The following GATA4 variants were observed in gnomAD, a reference collection of about 807,000 sequenced individuals.
GATA4 encodes GATA binding protein 4, also known as transcription factor GATA-4.
Under a neutral mutation model 37.9 loss-of-function variants are expected in GATA4, and 7 were observed. The ratio of observed to expected loss-of-function variants is 0.18; its 90% CI spans 0.11 to 0.35. GATA4 has a LOEUF of 0.35. Among genes scored for constraint, GATA4 ranks in the 10% least tolerant of loss-of-function variants. The pLI, the probability that GATA4 is intolerant of heterozygous loss-of-function variation, is 1.00. For missense variants in GATA4, 647 were observed against 653.0 expected, an observed-to-expected ratio of 0.99 and a Z score of 0.10; for synonymous variants, 372 against 292.6, an observed-to-expected ratio of 1.27 and a Z score of -2.77.
intron 2 of GATA4, among the ~76,000 whole-genome samples, chr8:11,724,798 T>C (rs985119984): frequency 6.6e-6 from 1 of 152,224 alleles, no homozygotes; most frequent in Non-Finnish European, 1.5e-5. Flanking sequence ...ATCAGAGGCC[T>C]AACCCAGCCT....
rs150976170 is a variant in GATA4, at chr8:11,746,419, G to C, written c.617-2497G>C. ...AACCAGAATGGGAGGGTTGCACTAGGTTTGGAATGGAAAGGTGATCTTACA... is the reference window on the plus strand; with the variant it reads ...AACCAGAATGGGAGGGTTGCACTAGCTTTGGAATGGAAAGGTGATCTTACA... On this transcript the variant is annotated intron_variant, in intron 2 of 6. Coordinates refer to ENST00000532059, the MANE Select transcript of GATA4 (RefSeq NM_001308093.3). Among the ~76,000 whole-genome samples, 199 of 152,248 alleles carry C rather than the reference G, an allele frequency of 1.3e-3. 1 individual carries two copies. The highest frequency in any genetic ancestry group is 4.5e-3 in the African/African-American group (187 of 41,548).
At chr8:11,700,205 G>A (rs549984091), upstream of GATA4, among the ~76,000 whole-genome samples, 19 of 152,244 alleles carry the variant, frequency 1.2e-4, no homozygotes, top group Admixed American at 2.6e-4. Context: ...GGGTGTGCCA[G>A]AAACTCTGGT....
chr8:11,702,621 T>A (rs534214755), upstream of GATA4, among the ~76,000 whole-genome samples: 1 of 149,648 alleles, frequency 6.7e-6, no homozygotes, highest in African/African-American at 2.5e-5. The surrounding 1 kb of genome is among the most constrained non-coding windows in gnomAD (Gnocchi z 4.4). Flanking sequence ...CCTTCAGCCT[T>A]AAGTTCCCAC....
upstream of GATA4, among the ~76,000 whole-genome samples, chr8:11,701,482 G>A (rs761812683): frequency 3.3e-5 from 5 of 152,248 alleles, no homozygotes; most frequent in Middle Eastern, 3.4e-3. Flanking sequence ...GAGAGGCGCC[G>A]ATAAACCTCC....
upstream of GATA4, among the ~76,000 whole-genome samples, chr8:11,687,720 T>G (rs937338022): frequency 1.3e-5 from 2 of 152,108 alleles, no homozygotes; most frequent in Non-Finnish European, 2.9e-5. Context: ...TCCCTCACCC[T>G]CCAGAGAAAA....
intron 2 of GATA4, among the ~76,000 whole-genome samples, chr8:11,736,167 AG>A (rs1275089518): frequency 6.6e-6 from 1 of 152,134 alleles, no homozygotes; most frequent in Non-Finnish European, 1.5e-5. Context: ...GACCTCACAA[AG>A]GGCTGGGATT....
intron 2 of GATA4, among the ~76,000 whole-genome samples, chr8:11,745,974 T>G (rs778242005): frequency 1.3e-5 from 2 of 152,190 alleles, no homozygotes; most frequent in Non-Finnish European, 1.5e-5. Context: ...TATGTTTAAA[T>G]TTTTTCATAA....
chr8:11,745,775 G>C (rs1453402806), intron 2 of GATA4, among the ~76,000 whole-genome samples: 4 of 152,138 alleles, frequency 2.6e-5, no homozygotes, highest in Admixed American at 1.3e-4. Context: ...ATTTTTAGGA[G>C]TGTGACTCTA....
intron 2 of GATA4, among the ~76,000 whole-genome samples, chr8:11,728,442 C>T (rs959835907): frequency 2.6e-5 from 4 of 152,182 alleles, no homozygotes; most frequent in Admixed American, 2.0e-4. Flanking sequence ...GATCATAGCT[C>T]ACTGCAGCCT....
intron 1 of GATA4, among the ~76,000 whole-genome samples, chr8:11,684,216 G>A (rs1168521192): frequency 3.3e-5 from 5 of 152,194 alleles, no homozygotes; most frequent in African/African-American, 1.2e-4. Context: ...TGTTATGGTG[G>A]ATATTTGCTG....
chr8:11,702,785 C>T (rs1799727666), upstream of GATA4, among the ~76,000 whole-genome samples: 1 of 152,164 alleles, frequency 6.6e-6, no homozygotes, highest in Non-Finnish European at 1.5e-5. This position sits in a 1 kb window ranked among gnomAD's most constrained non-coding sequence, Gnocchi z 4.4. Flanking sequence ...TGTGCGCAGG[C>T]CTTTCGCCGC....
intron 2 of GATA4, among the ~76,000 whole-genome samples, chr8:11,721,618 C>T (rs1397545501): frequency 6.6e-6 from 1 of 151,992 alleles, no homozygotes; most frequent in Non-Finnish European, 1.5e-5. Flanking sequence ...CAGCAGGGCA[C>T]GGCGGCTGTG....
chr8:11,709,024 G>C lies in GATA4; in HGVS notation c.616+96G>C, dbSNP rs1242274777. ...CTCTTGTTTTTCCACCAACGCCTTC[G>C]TTGGGCTGGGGATGGTGCTTCACTA... On this transcript the variant is annotated intron_variant, in intron 2 of 6. Coordinates refer to ENST00000532059, the MANE Select transcript of GATA4 (RefSeq NM_001308093.3). This position sits in a 1 kb window ranked among gnomAD's most constrained non-coding sequence, Gnocchi z 4.3. 7.8e-7 allele frequency: 1 copy of C among 1,278,428 alleles called. No homozygotes were observed. The highest frequency in any genetic ancestry group is 1.6e-5 in the African/African-American group (1 of 63,440). The allele number at this position is 1,278,428 out of a possible 1,614,324, so 79.2% of individuals were successfully genotyped here.
intron 4 of GATA4, among the ~76,000 whole-genome samples, chr8:11,752,727 C>T (rs560038982): frequency 8.4e-4 from 128 of 152,230 alleles, no homozygotes; most frequent in African/African-American, 2.6e-3. Flanking sequence ...ATAGGATTGA[C>T]GGTAGTAGAG....
upstream of GATA4, among the ~76,000 whole-genome samples, chr8:11,700,084 A>G (rs1799624247): frequency 6.6e-6 from 1 of 152,164 alleles, no homozygotes; most frequent in African/African-American, 2.4e-5. Context: ...TTCTAAGGTG[A>G]GGGCGATAAC....
intron 2 of GATA4, among the ~76,000 whole-genome samples, chr8:11,711,846 T>A (rs1419547923): frequency 6.6e-6 from 1 of 151,672 alleles, no homozygotes; most frequent in Non-Finnish European, 1.5e-5. Context: ...GCAGCTTTAG[T>A]GAGGACCAGC....
intron 2 of GATA4, among the ~76,000 whole-genome samples, chr8:11,741,490 A>T (rs1466516467): frequency 6.6e-6 from 1 of 151,950 alleles, no homozygotes; most frequent in Non-Finnish European, 1.5e-5. Context: ...AAAAACAAAC[A>T]AACAAAAAAA....
chr8:11,712,562 A>C (rs1465299923), intron 2 of GATA4, among the ~76,000 whole-genome samples: 1 of 152,078 alleles, frequency 6.6e-6, no homozygotes, highest in African/African-American at 2.4e-5. Context: ...AAAAAGAAAG[A>C]CAAAGAAAAA....
intron 2 of GATA4, among the ~76,000 whole-genome samples, chr8:11,738,549 TA>T (rs1801571662): frequency 6.6e-6 from 1 of 152,194 alleles, no homozygotes; most frequent in South Asian, 2.1e-4. Flanking sequence ...TTGATGAACG[TA>T]AGAGTTGTTT....
Sources: gnomAD v4.1 joint callset for allele counts (sites outside exome capture counted in the v4.1 genomes callset) on GRCh38, gnomAD v4.1.1 for gene constraint, Gnocchi (gnomAD v3.1) non-coding constraint, MANE v1.5 for transcripts, NCBI Gene and HGNC (gene_info 2026-07-23, HGNC 2026-07-21) for gene names.